NKAIN1: variants seen among roughly 807,000 people sequenced by gnomAD.
NKAIN1 encodes sodium/potassium transporting ATPase interacting 1, also known as sodium/potassium-transporting ATPase subunit beta-1-interacting protein 1.
A neutral mutation model predicts 31.6 loss-of-function variants in NKAIN1; 13 were observed. The observed-to-expected ratio is 0.41, with a 90% CI of 0.27 to 0.65. The LOEUF is 0.65. Among genes scored for constraint, NKAIN1 ranks in the 30% least tolerant of loss-of-function variants. The pLI is 0.30. For missense variants in NKAIN1, 193 were observed against 262.2 expected, an observed-to-expected ratio of 0.74 and a Z score of 1.82; for synonymous variants, 104 against 109.0, an observed-to-expected ratio of 0.95 and a Z score of 0.28.
intron 1 of NKAIN1, among the ~76,000 whole-genome samples, chr1:31,210,382 G>A (rs1645458445): frequency 6.6e-6 from 1 of 151,660 alleles, no homozygotes; most frequent in South Asian, 2.1e-4. Flanking sequence ...TCCGTCTCCT[G>A]GGTTCAGGCA....
Position 31,181,529 on chromosome 1 carries a change from A to C in NKAIN1, c.*174T>G. The C allele has an allele frequency of 1.9e-6, 1 of 532,576 alleles. No homozygotes were observed. Among genetic ancestry groups the C allele is most frequent in the African/African-American group, 2.0e-5 (1 of 50,458 alleles). 33.0% of individuals were successfully genotyped at this position (532,576 alleles called of 1,614,324 possible). On this transcript the variant is annotated 3_prime_UTR_variant, in exon 7 of 7. Coordinates refer to ENST00000373736, the MANE Select transcript of NKAIN1 (RefSeq NM_024522.3). ...GCTGCGAAGAGCCAAGCTCAAATCCAAGTCCAAGTCCAAGTCCACGTCCAA... is the reference window on the plus strand; with the variant it reads ...GCTGCGAAGAGCCAAGCTCAAATCCCAGTCCAAGTCCAAGTCCACGTCCAA...
intron 1 of NKAIN1, among the ~76,000 whole-genome samples, chr1:31,206,253 T>TAAATAAATAAATAAATAAATAAATAAAA (rs1171738796): frequency 1.0e-4 from 7 of 68,564 alleles, no homozygotes; most frequent in Admixed American, 3.6e-4. Context: ...AATAAATAAA[T>TAAATAAATAAATAAATAAATAAATAAAA]AAAATAAAAA....
intron 2 of NKAIN1, among the ~76,000 whole-genome samples, chr1:31,186,387 C>CTT: frequency 8.4e-6 from 1 of 119,466 alleles, no homozygotes; most frequent in East Asian, 2.7e-4. Context: ...AGTCTTAATT[C>CTT]TTTTGTGTTT....
At chr1:31,226,831 C>A (rs2148366276) in intron 1 of NKAIN1, among the ~76,000 whole-genome samples, 1 of 151,610 alleles carries the variant, frequency 6.6e-6, no homozygotes, top group South Asian at 2.1e-4. Context: ...GCCAGAAAAT[C>A]ATTTTTTCTG....
chr1:31,218,071 T>TCTTTCTTTCTTTCTTTCTTTCTTTCTC (rs201070152), intron 1 of NKAIN1, among the ~76,000 whole-genome samples: 2 of 133,616 alleles, frequency 1.5e-5, no homozygotes, highest in African/African-American at 5.7e-5. Flanking sequence ...TTTCTTTCTT[T>TCTTTCTTTCTTTCTTTCTTTCTTTCTC]TTTTTTTTTG....
rs139682337 is a variant in NKAIN1 at position 31,195,923 on chromosome 1, C to G, written c.55-7736G>C. On this transcript the variant is annotated intron_variant, in intron 1 of 6. Coordinates refer to ENST00000373736, the MANE Select transcript of NKAIN1 (RefSeq NM_024522.3). ...AAAAAAAAAAAAAGCTTCTTACCAC[C>G]TTGCAGCTGATATCAGCCTTATCTA... Among the ~76,000 whole-genome samples, 493 of 151,852 alleles carry G rather than the reference C, an allele frequency of 3.2e-3. 4 individuals are homozygous for G. The highest frequency in any genetic ancestry group is 0.011 in the African/African-American group (476 of 41,444).
intron 1 of NKAIN1, among the ~76,000 whole-genome samples, chr1:31,225,559 C>G (rs1384546281): frequency 6.6e-6 from 1 of 151,958 alleles, no homozygotes; most frequent in Non-Finnish European, 1.5e-5. Flanking sequence ...AACTCCTGGC[C>G]TCAAGTGATC....
chr1:31,188,316 G>T, intron 1 of NKAIN1, 129 bp from the exon 2 acceptor site: 4 of 985,174 alleles, frequency 4.1e-6, no homozygotes, highest in Non-Finnish European at 5.9e-6. Flanking sequence ...GAACAATCCA[G>T]TCCTTCACTA....
At chr1:31,225,964 C>A (rs1454965170) in intron 1 of NKAIN1, among the ~76,000 whole-genome samples, 1 of 152,238 alleles carries the variant, frequency 6.6e-6, no homozygotes. Flanking sequence ...ACTTACCTCA[C>A]TCAACTTATG....
At chr1:31,226,547 G>A (rs1199037485) in intron 1 of NKAIN1, among the ~76,000 whole-genome samples, 41 of 146,052 alleles carry the variant, frequency 2.8e-4, no homozygotes, top group East Asian at 2.0e-4. Context: ...TTTTTGAGAC[G>A]GAGTCTCACT....
In NKAIN1 at chr1:31,213,200, G is replaced by C. The variant is rs139321797; in HGVS notation, c.55-25013C>G. 7.1e-3 allele frequency among the ~76,000 whole-genome samples: 1,067 copies of C among 151,196 alleles called. 17 individuals are homozygous for C. Among genetic ancestry groups the C allele is most frequent in the African/African-American group, 0.021 (856 of 41,344 alleles). On this transcript the variant is annotated intron_variant, in intron 1 of 6. Coordinates refer to ENST00000373736, the MANE Select transcript of NKAIN1 (RefSeq NM_024522.3). The stretch of plus-strand genomic sequence containing the variant: ...TTTGCCAATCATACATCTAATAAGT[G>C]TCCAAAATCCAGGATATATAAAGAA...
intron 1 of NKAIN1, among the ~76,000 whole-genome samples, chr1:31,216,780 A>G (rs1645517045): frequency 6.6e-6 from 1 of 151,408 alleles, no homozygotes; most frequent in Non-Finnish European, 1.5e-5. Context: ...TGCAACCTCC[A>G]CCTCCGGGGT....
At chr1:31,234,384 C>T (rs79469330) in intron 1 of NKAIN1, among the ~76,000 whole-genome samples, 1,606 of 152,250 alleles carry the variant, frequency 0.011, 10 homozygotes, top group Non-Finnish European at 0.015. Flanking sequence ...CTAATAACGA[C>T]ATCAATCAGG....
intron 1 of NKAIN1, among the ~76,000 whole-genome samples, chr1:31,218,068 C>CTTTCTTTCTTTCTTTCTTTCT (rs71569970): frequency 5.3e-5 from 7 of 132,928 alleles, no homozygotes; most frequent in African/African-American, 2.0e-4. Context: ...TTCTTTCTTT[C>CTTTCTTTCTTTCTTTCTTTCT]TTTTTTTTTT....
intron 1 of NKAIN1, among the ~76,000 whole-genome samples, chr1:31,209,813 T>C (rs1645453409): frequency 6.6e-6 from 1 of 150,440 alleles, no homozygotes; most frequent in Admixed American, 6.8e-5. Context: ...TGAGACCCTG[T>C]CTCTAAAAAG....
chr1:31,220,003 ATTTTTT>A (rs11453918), intron 1 of NKAIN1, among the ~76,000 whole-genome samples: 1 of 127,754 alleles, frequency 7.8e-6, no homozygotes, highest in Non-Finnish European at 1.6e-5. Flanking sequence ...GAACACTCAG[ATTTTTT>A]TTTTTTTTTT....
chr1:31,188,368 T>C, intron 1 of NKAIN1, 181 bp from the exon 2 acceptor site: 1 of 650,572 alleles, frequency 1.5e-6, no homozygotes, highest in Non-Finnish European at 2.6e-6. Context: ...ATCATCACTT[T>C]GGGGTGGGCT....
rs188264257 is a variant in NKAIN1, at chr1:31,196,381, C to T, written c.55-8194G>A. Among the ~76,000 whole-genome samples, 737 of 152,034 alleles carry T rather than the reference C, an allele frequency of 4.8e-3. 38 individuals carry two copies. In the East Asian group the frequency reaches 0.098, roughly 20 times the overall value. On this transcript the variant is annotated intron_variant, in intron 1 of 6. Transcript: ENST00000373736. Reference sequence around the variant, plus strand: ...ACAAAAAATTAGCCAGGCGTGGTGGCGGGCGCCTGTAGTCCCAGCTACTCG... The same window carrying T: ...ACAAAAAATTAGCCAGGCGTGGTGGTGGGCGCCTGTAGTCCCAGCTACTCG...
At chr1:31,189,040 G>C (rs992072526) in intron 1 of NKAIN1, among the ~76,000 whole-genome samples, 1 of 150,894 alleles carries the variant, frequency 6.6e-6, no homozygotes, top group African/African-American at 2.4e-5. Context: ...AAAAAAAAAC[G>C]GCGTTCATTG....
Sources: allele counts gnomAD v4.1 joint callset (sites outside exome capture counted in the v4.1 genomes callset), GRCh38; gene constraint gnomAD v4.1.1; transcripts MANE v1.5; gene names NCBI Gene and HGNC (gene_info 2026-07-23, HGNC 2026-07-21).